Variants in GLI2 observed in about 807,000 individuals in gnomAD.
GLI2 encodes the protein transcription activator GLI2.
A neutral mutation model predicts 78.9 loss-of-function variants in GLI2; 22 were observed. The ratio of observed to expected loss-of-function variants is 0.28; its 90% CI spans 0.20 to 0.40. GLI2 has a LOEUF of 0.40. GLI2 is among the 10% of genes least tolerant of loss of function. The pLI is 1.00. For missense variants in GLI2, 2,097 were observed against 2,213.2 expected (o/e 0.95, Z 1.05); for synonymous variants, 974 against 963.7 (o/e 1.01, Z -0.20).
In GLI2 at chr2:120,799,257, C is replaced by T. The variant is rs149912003; in HGVS notation, c.148+1789C>T. Among the ~76,000 whole-genome samples, 741 of 152,326 alleles carry T rather than the reference C, an allele frequency of 4.9e-3. 7 individuals carry two copies. The highest frequency in any genetic ancestry group is 0.017 in the African/African-American group (710 of 41,574). On this transcript the variant is annotated intron_variant, in intron 2 of 13. Transcript: ENST00000361492. ...AGGCCCTCACCTCCCAACCCCACCC[C>T]ACTGCAGCACACCCTTTCCTGCCCA...
At chr2:120,966,348 AT>A (rs1185191292) in intron 5 of GLI2, among the ~76,000 whole-genome samples, 1 of 152,166 alleles carries the variant, frequency 6.6e-6, no homozygotes, top group East Asian at 1.9e-4. Flanking sequence ...CAGCTGACTT[AT>A]GGCTCCAGCC....
At chr2:120,877,134 G>A (rs1214214180) in intron 2 of GLI2, among the ~76,000 whole-genome samples, 1 of 152,096 alleles carries the variant, frequency 6.6e-6, no homozygotes, top group East Asian at 1.9e-4. Flanking sequence ...GGCTTGCCTG[G>A]CCTCCCCTCC....
intron 2 of GLI2, among the ~76,000 whole-genome samples, chr2:120,898,381 G>A (rs1678084257): frequency 6.6e-6 from 1 of 152,296 alleles, no homozygotes; most frequent in East Asian, 1.9e-4. Flanking sequence ...TAAAATTGGA[G>A]CACTCGCAGA....
intron 5 of GLI2, among the ~76,000 whole-genome samples, chr2:120,959,697 G>C (rs547305192): frequency 6.6e-6 from 1 of 152,204 alleles, no homozygotes; most frequent in African/African-American, 2.4e-5. Flanking sequence ...CCCCTCCCGT[G>C]AACCATGGGA....
chr2:120,820,367 C>G (rs536520724), intron 2 of GLI2, among the ~76,000 whole-genome samples: 1 of 152,210 alleles, frequency 6.6e-6, no homozygotes, highest in African/African-American at 2.4e-5. Context: ...TCCAGCTGGA[C>G]GCCGGAGTTC....
intron 2 of GLI2, among the ~76,000 whole-genome samples, chr2:120,806,080 C>T (rs1558806295): frequency 6.6e-6 from 1 of 152,130 alleles, no homozygotes; most frequent in Non-Finnish European, 1.5e-5. Flanking sequence ...ATGGATGGGC[C>T]CCTGTTTCCT....
chr2:120,871,183 T>C (rs2104675670), intron 2 of GLI2, among the ~76,000 whole-genome samples: 1 of 152,370 alleles, frequency 6.6e-6, no homozygotes, highest in East Asian at 1.9e-4. Context: ...CTGCAGAAGC[T>C]ACCTGCAGCC....
At chr2:120,761,338 A>G (rs1053656293) in intron 1 of GLI2, among the ~76,000 whole-genome samples, 64 of 152,160 alleles carry the variant, frequency 4.2e-4, no homozygotes, top group African/African-American at 1.5e-3. Context: ...CCCAGAGCCC[A>G]GGAGGTGAGA....
chr2:120,885,383 A>T (rs1677346928), intron 2 of GLI2, among the ~76,000 whole-genome samples: 1 of 152,232 alleles, frequency 6.6e-6, no homozygotes, highest in Non-Finnish European at 1.5e-5. Flanking sequence ...CAAAGGCAGC[A>T]GCTGCAGTCT....
intron 11 of GLI2, among the ~76,000 whole-genome samples, chr2:120,983,243 T>C (rs1386931659): frequency 6.6e-6 from 1 of 152,070 alleles, no homozygotes; most frequent in African/African-American, 2.4e-5. Context: ...TCTCGGAGTG[T>C]TTAACATGCA....
chr2:120,941,638 G>A (rs897902502), intron 3 of GLI2, among the ~76,000 whole-genome samples: 3 of 152,200 alleles, frequency 2.0e-5, no homozygotes, highest in African/African-American at 7.2e-5. Context: ...AGTGGGCCCA[G>A]AGGACGCCTG....
At chr2:120,798,940 G>C (rs1053288567) in intron 2 of GLI2, among the ~76,000 whole-genome samples, 5 of 152,156 alleles carry the variant, frequency 3.3e-5, no homozygotes, top group African/African-American at 4.8e-5. Flanking sequence ...CTGCCCCAGG[G>C]TTTTCAGCGG....
chr2:120,974,766 AAAAAGGCTG>A (rs570410053), intron 8 of GLI2, among the ~76,000 whole-genome samples, 200 bp from the exon 9 acceptor site: 315 of 141,964 alleles, frequency 2.2e-3, no homozygotes, highest in African/African-American at 7.7e-3. Flanking sequence ...GAAAGGAGCT[AAAAAGGCTG>A]ATGAGTGTGT....
At chr2:120,974,019 C>T (rs58254212) in intron 8 of GLI2, among the ~76,000 whole-genome samples, 10,353 of 152,216 alleles carry the variant, frequency 0.068, 1,140 homozygotes, top group African/African-American at 0.23. Context: ...TCCTTCATCC[C>T]CCTGAGCCTG....
intron 1 of GLI2, among the ~76,000 whole-genome samples, chr2:120,782,524 G>A (rs1683878828): frequency 6.6e-6 from 1 of 152,228 alleles, no homozygotes; most frequent in South Asian, 2.1e-4. Context: ...CCCACAGTTT[G>A]CAGCAAGAGG....
chr2:120,971,437 C>A (rs2105023337), intron 7 of GLI2, among the ~76,000 whole-genome samples: 1 of 152,338 alleles, frequency 6.6e-6, no homozygotes, highest in South Asian at 2.1e-4. Context: ...GAATGTCCTC[C>A]CTCTCCACCC....
intron 3 of GLI2, among the ~76,000 whole-genome samples, chr2:120,943,567 G>C (rs992364977): frequency 6.6e-6 from 1 of 152,190 alleles, no homozygotes. Flanking sequence ...GGGGGCATCC[G>C]GGTGCCTGTG....
chr2:120,886,615 G>A (rs898409892), intron 2 of GLI2, among the ~76,000 whole-genome samples: 4 of 152,318 alleles, frequency 2.6e-5, no homozygotes, highest in African/African-American at 9.6e-5. Context: ...GCGCTCCAGA[G>A]AGCTCATACT....
chr2:120,990,759 C>A lies in GLI2; in HGVS notation c.*84C>A. On this transcript the variant is annotated 3_prime_UTR_variant, in exon 14 of 14. Coordinates refer to ENST00000361492, the MANE Select transcript of GLI2 (RefSeq NM_001374353.1). ...GGATTCCAGCTGTCTTGTCTTTTTC[C>A]AAAAAAGTGTTAAATAGGCTTGAGG... The A allele has an allele frequency of 8.2e-7, 1 of 1,213,450 alleles. No homozygotes were observed. Among genetic ancestry groups the A allele is most frequent in the Non-Finnish European group, 1.2e-6 (1 of 861,530 alleles). The allele number at this position is 1,213,450 out of a possible 1,614,324, so 75.2% of individuals were successfully genotyped here.
Sources: allele counts gnomAD v4.1 joint callset (sites outside exome capture counted in the v4.1 genomes callset), GRCh38; gene constraint gnomAD v4.1.1; transcripts MANE v1.5; gene names NCBI Gene and HGNC (gene_info 2026-07-23, HGNC 2026-07-21).